CAST: variants seen among roughly 807,000 people sequenced by gnomAD.
CAST encodes MIR583 host.
Under a neutral mutation model 119.6 loss-of-function variants are expected in CAST, and 76 were observed. The observed-to-expected ratio is 0.64, with a 90% CI of 0.53 to 0.77. The LOEUF is 0.77. Ranked by LOEUF, CAST falls within the 30% of genes least tolerant of loss-of-function variation. The pLI is 0.00. For missense variants in CAST, 953 were observed against 946.5 expected, an observed-to-expected ratio of 1.01 and a Z score of -0.09; for synonymous variants, 319 against 331.6, an observed-to-expected ratio of 0.96 and a Z score of 0.41.
intron 2 of CAST, among the ~76,000 whole-genome samples, chr5:96,682,085 T>C (rs150961237): frequency 4.6e-5 from 7 of 152,336 alleles, no homozygotes; most frequent in African/African-American, 1.7e-4. Flanking sequence ...AACTTTATTA[T>C]AGGTATGTAT....
chr5:96,195,395 A>G, the CAST span, among the ~76,000 whole-genome samples: 1 of 152,172 alleles, frequency 6.6e-6, no homozygotes, highest in Non-Finnish European at 1.5e-5. Context: ...ATCTCCATGG[A>G]CAGGGCTGAG....
intron 1 of CAST, among the ~76,000 whole-genome samples, chr5:96,656,780 C>G (rs934318569): frequency 1.3e-5 from 2 of 152,198 alleles, no homozygotes; most frequent in African/African-American, 4.8e-5. Flanking sequence ...AAAGGAGGAA[C>G]AGGGGTGAGC....
chr5:96,478,246 G>T, the CAST span, among the ~76,000 whole-genome samples: 1 of 151,906 alleles, frequency 6.6e-6, no homozygotes, highest in Non-Finnish European at 1.5e-5. Context: ...GATAGTATCC[G>T]CAAGAAGTAA....
At chr5:96,523,911 G>C (rs574096018), upstream of CAST, among the ~76,000 whole-genome samples, 1 of 152,174 alleles carries the variant, frequency 6.6e-6, no homozygotes, top group Non-Finnish European at 1.5e-5. Flanking sequence ...GCCACAATTA[G>C]CTGCAAAAGA....
chr5:96,104,117 G>A, the CAST span, among the ~76,000 whole-genome samples: 2 of 152,192 alleles, frequency 1.3e-5, no homozygotes, highest in Admixed American at 6.5e-5. Flanking sequence ...TGAGTTCATT[G>A]TAGATTCTGG....
At chr5:96,296,872 C>A in the CAST span, among the ~76,000 whole-genome samples, 1 of 152,170 alleles carries the variant, frequency 6.6e-6, no homozygotes, top group Non-Finnish European at 1.5e-5. Flanking sequence ...AGGAAGTTGT[C>A]CCAACTTCAG....
At chr5:96,180,852 A>G in the CAST span, among the ~76,000 whole-genome samples, 3 of 152,212 alleles carry the variant, frequency 2.0e-5, no homozygotes, top group African/African-American at 7.2e-5. Flanking sequence ...TCAGTGAGCA[A>G]ATACACTTCC....
At chr5:96,771,810 T>C (rs1310677255) in intron 31 of CAST, 108 bp downstream of exon 31, 5 of 665,486 alleles carry the variant, frequency 7.5e-6, no homozygotes, top group East Asian at 2.7e-5. Flanking sequence ...ATGCTCACTT[T>C]ACAGTATTGG....
At chr5:96,744,679 C>T (rs1019209589) in intron 16 of CAST, among the ~76,000 whole-genome samples, 7 of 152,038 alleles carry the variant, frequency 4.6e-5, no homozygotes, top group Admixed American at 1.3e-4. Flanking sequence ...TCTTAGTACC[C>T]GACTTAGTGG....
At chr5:96,559,641 T>C (rs1746315753) in intron 1 of CAST, among the ~76,000 whole-genome samples, 1 of 152,040 alleles carries the variant, frequency 6.6e-6, no homozygotes, top group Admixed American at 6.6e-5. Context: ...GGAATCCAAC[T>C]TACAAGGGAC....
the CAST span, among the ~76,000 whole-genome samples, chr5:96,252,860 G>T: frequency 2.0e-5 from 3 of 152,116 alleles, no homozygotes; most frequent in East Asian, 3.8e-4. Context: ...TGAGTTTGTT[G>T]GTTCCTTCGT....
the CAST span, among the ~76,000 whole-genome samples, chr5:96,087,695 G>A: frequency 1.6e-4 from 24 of 152,332 alleles, no homozygotes; most frequent in South Asian, 5.0e-3. Flanking sequence ...GTGATGGATG[G>A]TACTTGAGAG....
chr5:96,129,819 G>A, the CAST span, among the ~76,000 whole-genome samples: 1 of 151,606 alleles, frequency 6.6e-6, no homozygotes, highest in South Asian at 2.1e-4. Context: ...AAAAGTTTAT[G>A]ATTTCAAATA....
the CAST span, among the ~76,000 whole-genome samples, chr5:96,193,897 A>G: frequency 6.6e-6 from 1 of 152,194 alleles, no homozygotes; most frequent in Non-Finnish European, 1.5e-5. Flanking sequence ...ATACTTTTTA[A>G]CAGAAATATT....
the CAST span, among the ~76,000 whole-genome samples, chr5:96,179,317 C>T: frequency 6.6e-6 from 1 of 152,202 alleles, no homozygotes. Flanking sequence ...TGCTTCATCA[C>T]AGGTTTTGTC....
the CAST span, among the ~76,000 whole-genome samples, chr5:96,106,506 G>T: frequency 6.6e-6 from 1 of 151,806 alleles, no homozygotes; most frequent in Non-Finnish European, 1.5e-5. Context: ...GGAGCAGGTT[G>T]TTCAGTTTCC....
At position 96,741,312 on chromosome 5, in the gene CAST, T is replaced by A. The variant is rs201361198; in HGVS notation, c.965T>A (p.Phe322Tyr). 9.6e-5 allele frequency: 155 copies of A among 1,613,656 alleles called. No homozygotes were observed. Among genetic ancestry groups the A allele is most frequent in the Non-Finnish European group, 1.3e-4 (150 of 1,179,578 alleles). ...GCTATAGACGCCTTGTCATCTGACT[T>A]CACCTGTGGGTCGCCTACAGCTGCT... is the stretch of plus-strand genomic sequence containing the variant. ...DDAIDALSSD[F>Y]TCGSPTAAGK... Residue 322 changes from phenylalanine to tyrosine, a missense_variant, in exon 14 of 32, where the codon TTC becomes TAC. Coordinates refer to ENST00000675179, the MANE Select transcript of CAST (RefSeq NM_001750.7).
At chr5:96,532,954 G>A (rs1354395616) in intron 1 of CAST, among the ~76,000 whole-genome samples, 3 of 151,914 alleles carry the variant, frequency 2.0e-5, no homozygotes, top group African/African-American at 4.8e-5. Context: ...GAGCCTGGAA[G>A]GTTGAGGCTG....
chr5:96,223,271 C>T, the CAST span, among the ~76,000 whole-genome samples: 2 of 152,026 alleles, frequency 1.3e-5, no homozygotes, highest in Non-Finnish European at 2.9e-5. Context: ...GATGAGAGGA[C>T]TTGAAATGTT....
Sources: gnomAD v4.1 joint callset for allele counts (sites outside exome capture counted in the v4.1 genomes callset) on GRCh38, gnomAD v4.1.1 for gene constraint, MANE v1.5 for transcripts, NCBI Gene and HGNC (gene_info 2026-07-23, HGNC 2026-07-21) for gene names.